Variants in RBFOX1 observed in about 807,000 individuals in gnomAD.
The protein encoded by RBFOX1 is RNA binding fox-1 homolog 1.
In RBFOX1, 8 loss-of-function variants were observed where a neutral mutation model predicts 57.7. That is an observed-to-expected ratio of 0.14 (90% CI 0.08 to 0.25). The LOEUF is 0.25. Among genes scored for constraint, RBFOX1 ranks in the 10% least tolerant of loss-of-function variants. The pLI, the probability that RBFOX1 is intolerant of heterozygous loss-of-function variation, is 1.00. For synonymous variants in RBFOX1, 326 were observed against 222.4 expected, an observed-to-expected ratio of 1.47 and a Z score of -4.15; for missense variants, 611 against 548.5, an observed-to-expected ratio of 1.11 and a Z score of -1.14.
chr16:6,867,804 G>T (rs901667315), intron 3 of RBFOX1, among the ~76,000 whole-genome samples: 1 of 152,174 alleles, frequency 6.6e-6, no homozygotes, highest in African/African-American at 2.4e-5. Flanking sequence ...AACAAGTCCT[G>T]TTTATCCCTT....
chr16:5,284,299 T>G (rs1316629557), intron 1 of RBFOX1, among the ~76,000 whole-genome samples: 1 of 152,168 alleles, frequency 6.6e-6, no homozygotes, highest in African/African-American at 2.4e-5. Context: ...TACACCCGTG[T>G]TCCTTTTTTC....
At chr16:5,612,570 C>A (rs1435355062) in intron 3 of RBFOX1, among the ~76,000 whole-genome samples, 5 of 152,220 alleles carry the variant, frequency 3.3e-5, no homozygotes, top group African/African-American at 4.8e-5. Context: ...ACCGGGCATA[C>A]ATGGTGGATA....
At chr16:7,400,314 A>G (rs1225744119) in intron 4 of RBFOX1, among the ~76,000 whole-genome samples, 1 of 152,150 alleles carries the variant, frequency 6.6e-6, no homozygotes, top group Non-Finnish European at 1.5e-5. Flanking sequence ...AAATAACTGC[A>G]TTATGCAATT....
intron 3 of RBFOX1, among the ~76,000 whole-genome samples, chr16:6,796,481 T>C (rs1168402393): frequency 6.6e-6 from 1 of 152,134 alleles, no homozygotes; most frequent in East Asian, 1.9e-4. Flanking sequence ...ACTATATCAT[T>C]TTCCATTTTC....
chr16:7,646,478 T>A (rs1264858724), intron 11 of RBFOX1, among the ~76,000 whole-genome samples: 1 of 152,186 alleles, frequency 6.6e-6, no homozygotes, highest in East Asian at 1.9e-4. Flanking sequence ...CATGAATCTC[T>A]CTCCATCTTA....
At chr16:6,788,768 C>A (rs186036139) in intron 3 of RBFOX1, among the ~76,000 whole-genome samples, 1 of 151,858 alleles carries the variant, frequency 6.6e-6, no homozygotes, top group Admixed American at 6.5e-5. Flanking sequence ...AGCGACCGTG[C>A]CCGGCCCCCC....
chr16:6,765,169 G>A (rs554799472), intron 3 of RBFOX1, among the ~76,000 whole-genome samples: 1 of 152,078 alleles, frequency 6.6e-6, no homozygotes, highest in Non-Finnish European at 1.5e-5. Context: ...CTTGCATGAG[G>A]CTCTGAATGC....
upstream of RBFOX1, among the ~76,000 whole-genome samples, chr16:6,014,141 A>G (rs1253097725): frequency 6.6e-6 from 1 of 152,210 alleles, no homozygotes; most frequent in African/African-American, 2.4e-5. Flanking sequence ...AAAGGAAATC[A>G]TAATGGTACT....
intron 3 of RBFOX1, among the ~76,000 whole-genome samples, chr16:7,027,130 A>T (rs1053878203): frequency 1.3e-5 from 2 of 152,184 alleles, no homozygotes; most frequent in African/African-American, 4.8e-5. Flanking sequence ...TCTATGCCTT[A>T]GAGTGCTAAG....
chr16:5,305,771 G>T (rs1371232712), intron 1 of RBFOX1, among the ~76,000 whole-genome samples: 1 of 152,204 alleles, frequency 6.6e-6, no homozygotes, highest in Non-Finnish European at 1.5e-5. Flanking sequence ...TTAGAATGGT[G>T]AGTAAGCCAG....
intron 3 of RBFOX1, among the ~76,000 whole-genome samples, chr16:6,813,179 A>T (rs184787061): frequency 3.5e-4 from 53 of 152,054 alleles, no homozygotes; most frequent in Admixed American, 3.1e-3. Flanking sequence ...ATGACTTCCT[A>T]TAACAAAATT....
At chr16:6,952,770 G>A (rs1019168022) in intron 3 of RBFOX1, among the ~76,000 whole-genome samples, 1 of 152,174 alleles carries the variant, frequency 6.6e-6, no homozygotes, top group Non-Finnish European at 1.5e-5. Flanking sequence ...GAGGTCAGGA[G>A]TTTGACACCA....
chr16:7,410,562 T>G (rs1004286912), intron 4 of RBFOX1, among the ~76,000 whole-genome samples: 1 of 152,082 alleles, frequency 6.6e-6, no homozygotes, highest in African/African-American at 2.4e-5. Context: ...GTGCCTGTAA[T>G]CCCAGTAAGG....
chr16:7,496,329 G>T (rs1020849285), intron 4 of RBFOX1, among the ~76,000 whole-genome samples: 25 of 152,130 alleles, frequency 1.6e-4, no homozygotes, highest in African/African-American at 5.6e-4. Flanking sequence ...TTTTAGTAGG[G>T]ATGGGGTTTC....
chr16:5,335,674 G>A (rs2064877680), intron 1 of RBFOX1, among the ~76,000 whole-genome samples: 1 of 152,062 alleles, frequency 6.6e-6, no homozygotes, highest in Non-Finnish European at 1.5e-5. Context: ...GGAGTGGCAC[G>A]GTGTGGGGGT....
rs144355539 is a variant in RBFOX1 at position 6,920,207 on chromosome 16, T to G, written c.-15-131850T>G. Among the ~76,000 whole-genome samples the G allele has an allele frequency of 2.0e-3, 310 of 152,178 alleles. 1 individual carries two copies. The highest frequency in any genetic ancestry group is 7.1e-3 in the African/African-American group (295 of 41,532). ...ATGGGCATTGAGTTTGGTTCCTTAT[T>G]TTTGCAATTGCAAATTGTGCTGCTA... On this transcript the variant is annotated intron_variant, in intron 3 of 15. Coordinates refer to ENST00000550418, the MANE Select transcript of RBFOX1 (RefSeq NM_018723.4).
chr16:6,927,317 G>A (rs56382362), intron 3 of RBFOX1, among the ~76,000 whole-genome samples: 27,388 of 148,778 alleles, frequency 0.18, 3,179 homozygotes, highest in African/African-American at 0.34. Context: ...GGAGGTTGAG[G>A]CACGAGAATC....
chr16:7,224,182 T>A (rs2092942187), intron 4 of RBFOX1, among the ~76,000 whole-genome samples: 2 of 127,052 alleles, frequency 1.6e-5, no homozygotes, highest in Admixed American at 1.8e-4. Flanking sequence ...CTCACTCAGC[T>A]CACTCAGTGC....
intron 4 of RBFOX1, among the ~76,000 whole-genome samples, chr16:7,139,993 C>T (rs542477915): frequency 6.6e-6 from 1 of 152,122 alleles, no homozygotes; most frequent in African/African-American, 2.4e-5. Flanking sequence ...GTCAAGACTG[C>T]AGTGGATCCC....
Sources: allele counts gnomAD v4.1 joint callset (sites outside exome capture counted in the v4.1 genomes callset), GRCh38; gene constraint gnomAD v4.1.1; transcripts MANE v1.5; gene names NCBI Gene and HGNC (gene_info 2026-07-23, HGNC 2026-07-21).